Variants in FABP12 observed in about 807,000 individuals in gnomAD.
The protein encoded by FABP12 is fatty acid-binding protein 12.
Under a neutral mutation model 13.7 loss-of-function variants are expected in FABP12, and 19 were observed. The ratio of observed to expected loss-of-function variants is 1.39; its 90% CI spans 0.97 to 2.04. The LOEUF (loss-of-function observed/expected upper bound fraction) is 2.04. Ranked by LOEUF, FABP12 falls within the 30% of genes most tolerant of loss-of-function variation. FABP12 has a pLI of 0.00. For missense variants in FABP12, 182 were observed against 164.2 expected (o/e 1.11, Z -0.59); for synonymous variants, 61 against 57.0 (o/e 1.07, Z -0.32).
chr8:81,587,856 A>G (rs918313532), intron 1 of FABP12, among the ~76,000 whole-genome samples: 1 of 152,118 alleles, frequency 6.6e-6, no homozygotes, highest in Non-Finnish European at 1.5e-5. Context: ...TAGGCCATCT[A>G]TAAGCTGAGG....
upstream of FABP12, among the ~76,000 whole-genome samples, chr8:81,537,694 G>T (rs1299539640): frequency 6.6e-6 from 1 of 152,116 alleles, no homozygotes; most frequent in Non-Finnish European, 1.5e-5. Flanking sequence ...AAGAACATCG[G>T]GAAACTTGGC....
intron 3 of FABP12, 25 bp from the exon 4 acceptor site, chr8:81,527,146 C>T (rs1258185284): frequency 7.4e-7 from 1 of 1,342,322 alleles, no homozygotes; most frequent in African/African-American, 1.5e-5. Context: ...AAACTAAATT[C>T]AGATCAGCTT....
intron 1 of FABP12, among the ~76,000 whole-genome samples, chr8:81,541,759 T>G (rs952905585): frequency 1.3e-4 from 20 of 152,162 alleles, no homozygotes; most frequent in Admixed American, 3.9e-4. Flanking sequence ...TACTTGGATT[T>G]CTATCTATTG....
chr8:81,526,944 A>G (rs1808916366), intron 4 of FABP12, 76 bp downstream of exon 4: 3 of 820,208 alleles, frequency 3.7e-6, no homozygotes, highest in Admixed American at 2.9e-5. Flanking sequence ...ATTCATTTTC[A>G]TTGTTTGAGA....
intron 1 of FABP12, among the ~76,000 whole-genome samples, chr8:81,544,468 C>T (rs1809402875): frequency 6.6e-6 from 1 of 152,144 alleles, no homozygotes; most frequent in Admixed American, 6.5e-5. Context: ...GGAAACTTGT[C>T]ATTAGATTTA....
intron 1 of FABP12, among the ~76,000 whole-genome samples, chr8:81,557,139 T>A (rs1342628691): frequency 1.3e-5 from 2 of 152,100 alleles, no homozygotes; most frequent in Non-Finnish European, 2.9e-5. Context: ...CCTCCCAAAG[T>A]GCTGGGATTG....
upstream of FABP12, among the ~76,000 whole-genome samples, chr8:81,534,717 A>AG: frequency 6.6e-6 from 1 of 152,180 alleles, no homozygotes; most frequent in East Asian, 1.9e-4. Context: ...CCAAGGTGGG[A>AG]GGATCACCTG....
At chr8:81,533,691 T>C (rs1809147784) in intron 1 of FABP12, among the ~76,000 whole-genome samples, 111 bp downstream of exon 1, 2 of 152,202 alleles carry the variant, frequency 1.3e-5, no homozygotes, top group African/African-American at 2.4e-5. Context: ...TCTCCTCCTT[T>C]AGCTGGTCAC....
intron 1 of FABP12, among the ~76,000 whole-genome samples, chr8:81,553,836 G>A (rs530987179): frequency 8.2e-4 from 125 of 152,286 alleles, no homozygotes; most frequent in Middle Eastern, 3.4e-3. Context: ...GAAAAGGAGC[G>A]CTGGGGCTGA....
chr8:81,527,263 CTT>C (rs1218518462), intron 3 of FABP12, 142 bp from the exon 4 acceptor site: 2 of 481,112 alleles, frequency 4.2e-6, no homozygotes, highest in Non-Finnish European at 7.3e-6. Flanking sequence ...TATTTTAAGA[CTT>C]TGTCAGCAGT....
upstream of FABP12, among the ~76,000 whole-genome samples, chr8:81,537,360 A>G (rs1057410945): frequency 1.3e-5 from 2 of 152,202 alleles, no homozygotes; most frequent in African/African-American, 4.8e-5. Flanking sequence ...AGCCTGTTAA[A>G]TTATAAAGTT....
intron 1 of FABP12, among the ~76,000 whole-genome samples, chr8:81,576,373 G>A (rs1810045797): frequency 6.6e-6 from 1 of 152,002 alleles, no homozygotes; most frequent in South Asian, 2.1e-4. Flanking sequence ...AAAAATGCAA[G>A]TATGTATATA....
intron 1 of FABP12, among the ~76,000 whole-genome samples, chr8:81,569,975 CTG>C (rs1042962617): frequency 6.6e-6 from 1 of 152,224 alleles, no homozygotes; most frequent in African/African-American, 2.4e-5. Context: ...CCAAGATAGA[CTG>C]GAGTCAGGCA....
intron 1 of FABP12, among the ~76,000 whole-genome samples, chr8:81,556,391 G>T (rs1809616165): frequency 6.6e-6 from 1 of 152,148 alleles, no homozygotes; most frequent in African/African-American, 2.4e-5. Flanking sequence ...ATACTTGTCT[G>T]CCTACAGGGA....
chr8:81,531,567 A>G (rs1434108682), intron 1 of FABP12, among the ~76,000 whole-genome samples, 177 bp from the exon 2 acceptor site: 5 of 152,216 alleles, frequency 3.3e-5, no homozygotes, highest in Admixed American at 2.6e-4. Flanking sequence ...AGAACTAGAT[A>G]TACCTTTTCC....
At chr8:81,560,313 G>T (rs183461209) in intron 1 of FABP12, among the ~76,000 whole-genome samples, 133 of 152,298 alleles carry the variant, frequency 8.7e-4, no homozygotes, top group African/African-American at 3.1e-3. Flanking sequence ...GATTTGGAGA[G>T]ACTCACCTTA....
At chr8:81,538,025 T>G (rs1013958401), upstream of FABP12, among the ~76,000 whole-genome samples, 2 of 152,198 alleles carry the variant, frequency 1.3e-5, no homozygotes, top group Non-Finnish European at 2.9e-5. Flanking sequence ...CTGCTTCTGA[T>G]GAGGGCCTCA....
chr8:81,588,962 A>G (rs1810282846), intron 1 of FABP12, among the ~76,000 whole-genome samples: 1 of 152,210 alleles, frequency 6.6e-6, no homozygotes, highest in Non-Finnish European at 1.5e-5. Context: ...TCAATAGGGC[A>G]TGTTGGAGCC....
At chr8:81,530,917 A>C (rs1012950679) in intron 2 of FABP12, among the ~76,000 whole-genome samples, 1 of 152,228 alleles carries the variant, frequency 6.6e-6, no homozygotes, top group African/African-American at 2.4e-5. Flanking sequence ...TCTGAACTTT[A>C]TTCTGAAGAT....
Sources: gnomAD v4.1 joint callset for allele counts (sites outside exome capture counted in the v4.1 genomes callset) on GRCh38, gnomAD v4.1.1 for gene constraint, MANE v1.5 for transcripts, NCBI Gene and HGNC (gene_info 2026-07-23, HGNC 2026-07-21) for gene names.